MEMO1: variants seen among roughly 807,000 people sequenced by gnomAD.
MEMO1 encodes mediator of cell motility 1.
Under a neutral mutation model 45.2 loss-of-function variants are expected in MEMO1, and 6 were observed. The ratio of observed to expected loss-of-function variants is 0.13; its 90% confidence interval spans 0.07 to 0.26. The LOEUF is 0.26. Ranked by LOEUF, MEMO1 falls within the 10% of genes least tolerant of loss-of-function variation. MEMO1 has a pLI of 1.00. For missense variants in MEMO1, 184 were observed against 370.5 expected (o/e 0.50, Z 4.13); for synonymous variants, 78 against 124.3 (o/e 0.63, Z 2.48).
rs1457262252 is a variant in MEMO1 at position 31,976,352 on chromosome 2, C to A, written c.62-32969G>T. 2.0e-5 allele frequency among the ~76,000 whole-genome samples: 3 copies of A among 151,506 alleles called. No homozygotes were observed. In the South Asian group the frequency reaches 6.2e-4, roughly 32 times the overall value. On this transcript the variant is annotated intron_variant, in intron 2 of 9. Coordinates refer to ENST00000404530, the MANE Select transcript of MEMO1 (RefSeq NM_001301833.4). ...CAGCACTTTGGAAGGCTGAGGAGGG[C>A]AGATGACTTGAAGCCAGGAGTTCGA...
intron 4 of MEMO1, among the ~76,000 whole-genome samples, chr2:31,927,751 A>C (rs1683321191): frequency 6.6e-6 from 1 of 150,994 alleles, no homozygotes; most frequent in African/African-American, 2.4e-5. Flanking sequence ...TAATTTGTTT[A>C]CTTTTTTAAA....
chr2:31,943,239 T>C, intron 3 of MEMO1, 63 bp downstream of exon 3: 2 of 1,248,630 alleles, frequency 1.6e-6, no homozygotes, highest in South Asian at 2.4e-5. Context: ...TACTTCAGCC[T>C]GGGCGACACA....
intron 2 of MEMO1, among the ~76,000 whole-genome samples, chr2:32,005,702 C>G (rs1026374401): frequency 2.0e-5 from 3 of 152,146 alleles, no homozygotes; most frequent in African/African-American, 7.2e-5. Flanking sequence ...ATTTGTATCC[C>G]TGTCCATATA....
chr2:31,872,257 T>G (rs536865754), intron 8 of MEMO1, among the ~76,000 whole-genome samples: 59 of 152,280 alleles, frequency 3.9e-4, no homozygotes, highest in African/African-American at 1.3e-3. Context: ...TTGTAGGCTC[T>G]TTCTCACTCT....
At chr2:31,880,695 T>C (rs927099020) in intron 8 of MEMO1, among the ~76,000 whole-genome samples, 2 of 152,218 alleles carry the variant, frequency 1.3e-5, no homozygotes, top group African/African-American at 2.4e-5. Context: ...AAATGAAAAC[T>C]AGAGTATTAA....
intron 2 of MEMO1, among the ~76,000 whole-genome samples, chr2:31,949,160 T>C (rs1416259463): frequency 2.6e-5 from 4 of 152,076 alleles, no homozygotes; most frequent in Non-Finnish European, 5.9e-5. Context: ...ACACTGTTGG[T>C]GGGAATCTAA....
At chr2:31,925,018 C>T (rs2148202675) in intron 4 of MEMO1, among the ~76,000 whole-genome samples, 1 of 152,280 alleles carries the variant, frequency 6.6e-6, no homozygotes, top group South Asian at 2.1e-4. Flanking sequence ...GGGCTCTACA[C>T]TCTTAAATGC....
intron 2 of MEMO1, among the ~76,000 whole-genome samples, chr2:31,978,157 C>A (rs765843542): frequency 1.3e-5 from 2 of 151,906 alleles, no homozygotes; most frequent in African/African-American, 2.4e-5. Flanking sequence ...TAAGTCAAGG[C>A]GGGAGGATCA....
intron 6 of MEMO1, among the ~76,000 whole-genome samples, chr2:31,899,645 C>T (rs1558487292): frequency 3.3e-5 from 5 of 152,206 alleles, no homozygotes; most frequent in Non-Finnish European, 5.9e-5. Flanking sequence ...ATGACTAAAA[C>T]ACCAAAAGCA....
chr2:31,995,701 GAAA>G (rs140903843), intron 2 of MEMO1, among the ~76,000 whole-genome samples: 2 of 145,392 alleles, frequency 1.4e-5, no homozygotes, highest in African/African-American at 5.1e-5. Flanking sequence ...TACAAAAAGA[GAAA>G]AAAAAAATCC....
chr2:31,939,861 A>G (rs1665403182), intron 3 of MEMO1, among the ~76,000 whole-genome samples: 1 of 152,196 alleles, frequency 6.6e-6, no homozygotes, highest in African/African-American at 2.4e-5. Context: ...AAAACTATCT[A>G]TACTTACGTC....
At position 31,906,300 on chromosome 2, in the gene MEMO1, GT is replaced by G. The variant is rs566139722; in HGVS notation, c.437+11625del. On this transcript the variant is annotated intron_variant, in intron 6 of 9. Transcript: ENST00000404530. The stretch of plus-strand genomic sequence containing the variant: ...GTGCTATTCTTTTGTTTTTGTTTTT[GT>G]TTTTTTTGTTTGTTTGTTTGTTTTT... 4.3e-3 allele frequency among the ~76,000 whole-genome samples: 640 copies of G among 148,622 alleles called. 4 individuals are homozygous for G. The highest frequency in any genetic ancestry group is 0.012 in the African/African-American group (500 of 40,386).
intron 6 of MEMO1, among the ~76,000 whole-genome samples, chr2:31,892,923 C>T (rs1035793995): frequency 1.3e-5 from 2 of 151,844 alleles, no homozygotes; most frequent in African/African-American, 4.8e-5. Context: ...CATTCAAAAC[C>T]TTTTTTAAAA....
intron 7 of MEMO1, among the ~76,000 whole-genome samples, chr2:31,889,524 C>G (rs749347045): frequency 3.3e-5 from 5 of 151,996 alleles, no homozygotes; most frequent in Admixed American, 1.3e-4. Flanking sequence ...ATACCCATCG[C>G]CACTACAATA....
intron 8 of MEMO1, among the ~76,000 whole-genome samples, chr2:31,878,908 A>T (rs1300262877): frequency 6.6e-6 from 1 of 152,198 alleles, no homozygotes; most frequent in Non-Finnish European, 1.5e-5. Context: ...AAAATGTAAC[A>T]CAAGAAAGGT....
At chr2:31,891,132 A>T (rs767967590) in intron 7 of MEMO1, among the ~76,000 whole-genome samples, 33 of 152,196 alleles carry the variant, frequency 2.2e-4, no homozygotes, top group Non-Finnish European at 3.8e-4. Context: ...TGGCTATTCT[A>T]GCGTTGTATC....
At chr2:31,923,567 T>A (rs34645083) in intron 4 of MEMO1, 150,964 of 1,397,670 alleles carry the variant, frequency 0.11, 8,833 homozygotes, top group African/African-American at 0.19. Flanking sequence ...ATTAAAGGCT[T>A]ACGTGGGCTA....
At chr2:31,904,704 C>A (rs915953825) in intron 6 of MEMO1, among the ~76,000 whole-genome samples, 3 of 152,264 alleles carry the variant, frequency 2.0e-5, no homozygotes, top group African/African-American at 7.2e-5. Context: ...AGGCCACGGA[C>A]CAGCTGAGGA....
At chr2:31,996,404 G>A (rs1290597419) in intron 2 of MEMO1, among the ~76,000 whole-genome samples, 1 of 152,012 alleles carries the variant, frequency 6.6e-6, no homozygotes, top group African/African-American at 2.4e-5. Flanking sequence ...AAATTAGCTG[G>A]GTGTGGTGGT....
Sources: gnomAD v4.1 joint callset for allele counts (sites outside exome capture counted in the v4.1 genomes callset) on GRCh38, gnomAD v4.1.1 for gene constraint, MANE v1.5 for transcripts, NCBI Gene and HGNC (gene_info 2026-07-23, HGNC 2026-07-21) for gene names.